CDH13: variants seen among roughly 807,000 people sequenced by gnomAD.
The protein encoded by CDH13 is cadherin-13.
CDH13 carries 24 observed loss-of-function variants against 63.8 expected under a neutral mutation model. The observed-to-expected ratio is 0.38, with a 90% CI of 0.27 to 0.53. The LOEUF is 0.53. CDH13 is among the 20% of genes least tolerant of loss of function. The pLI, the probability that CDH13 is intolerant of heterozygous loss-of-function variation, is 0.85. For missense variants in CDH13, 1,049 were observed against 903.1 expected (o/e 1.16, Z -2.07); for synonymous variants, 503 against 355.3 (o/e 1.42, Z -4.67).
At chr16:82,715,969 C>G (rs1009517113) in intron 1 of CDH13, among the ~76,000 whole-genome samples, 1 of 152,186 alleles carries the variant, frequency 6.6e-6, no homozygotes, top group Non-Finnish European at 1.5e-5. Flanking sequence ...AGCCATGTGT[C>G]ACTACTGGGT....
chr16:83,256,969 G>T (rs1470747238), intron 5 of CDH13, among the ~76,000 whole-genome samples: 5 of 151,984 alleles, frequency 3.3e-5, no homozygotes, highest in Non-Finnish European at 7.4e-5. Context: ...GGGCCTGCAT[G>T]CTGTGTGTTG....
At chr16:82,754,253 T>G (rs1597479537) in intron 1 of CDH13, among the ~76,000 whole-genome samples, 1 of 152,300 alleles carries the variant, frequency 6.6e-6, no homozygotes, top group Middle Eastern at 3.4e-3. Flanking sequence ...AACATAAATT[T>G]TAACATTCCT....
chr16:83,654,960 A>C (rs893796983), intron 8 of CDH13: 2 of 152,230 alleles, frequency 1.3e-5, no homozygotes, highest in Non-Finnish European at 2.9e-5. Context: ...ATGCCGCATC[A>C]GCCCACCTGC....
intron 3 of CDH13, among the ~76,000 whole-genome samples, chr16:83,097,043 A>C (rs1382251312): frequency 1.3e-5 from 2 of 152,202 alleles, no homozygotes; most frequent in Non-Finnish European, 2.9e-5. Context: ...ACTCAAAGCA[A>C]TACCACTCTC....
At chr16:83,589,091 A>T (rs1906462250) in intron 7 of CDH13, among the ~76,000 whole-genome samples, 1 of 152,070 alleles carries the variant, frequency 6.6e-6, no homozygotes, top group Admixed American at 6.5e-5. Context: ...GCAGGTCTGG[A>T]TTATTTGTGA....
intron 1 of CDH13, among the ~76,000 whole-genome samples, chr16:82,833,006 T>G (rs888757349): frequency 6.6e-6 from 1 of 152,192 alleles, no homozygotes; most frequent in East Asian, 1.9e-4. Flanking sequence ...GTGAGTGAGC[T>G]GCAAAAATAT....
chr16:83,718,354 A>C (rs1909225318), intron 10 of CDH13, among the ~76,000 whole-genome samples: 1 of 152,234 alleles, frequency 6.6e-6, no homozygotes, highest in Non-Finnish European at 1.5e-5. Flanking sequence ...GAAGAAATTC[A>C]AGAATGAGTC....
chr16:83,622,782 C>G (rs1378524648), intron 8 of CDH13, among the ~76,000 whole-genome samples: 1 of 152,216 alleles, frequency 6.6e-6, no homozygotes, highest in Admixed American at 6.5e-5. Context: ...GTTCACCAGT[C>G]TCTGTGAATT....
intron 5 of CDH13, among the ~76,000 whole-genome samples, chr16:83,332,633 A>G (rs2090503727): frequency 6.6e-6 from 1 of 152,176 alleles, no homozygotes; most frequent in African/African-American, 2.4e-5. Context: ...ACCCTTGTAC[A>G]TATCCTTAAT....
chr16:83,324,856 G>A lies in CDH13; in HGVS notation c.637-20006G>A, dbSNP rs368844399. 4.6e-5 allele frequency among the ~76,000 whole-genome samples: 7 copies of A among 152,046 alleles called. No homozygotes were observed. In the South Asian group the frequency reaches 6.2e-4, roughly 14 times the overall value. ...TATTTTCCAGTTTTAATGCTGTTAC[G>A]TTGCCCTTAGGAAAGAGATCAAAAT... On this transcript the variant is annotated intron_variant, in intron 5 of 13. Coordinates refer to ENST00000567109, the MANE Select transcript of CDH13 (RefSeq NM_001257.5).
At chr16:83,739,162 C>T (rs1051230185) in intron 10 of CDH13, among the ~76,000 whole-genome samples, 2 of 152,130 alleles carry the variant, frequency 1.3e-5, no homozygotes, top group Admixed American at 6.5e-5. Context: ...AAACTGCTTG[C>T]GCGAACAAAT....
At chr16:83,665,097 A>C (rs11866876) in intron 8 of CDH13, among the ~76,000 whole-genome samples, 1,940 of 152,304 alleles carry the variant, frequency 0.013, 63 homozygotes, top group African/African-American at 0.044. Flanking sequence ...GATAGGATTG[A>C]CATCATTTGC....
At chr16:83,487,472 G>C (rs749693549) in intron 7 of CDH13, among the ~76,000 whole-genome samples, 3 of 152,096 alleles carry the variant, frequency 2.0e-5, no homozygotes, top group Non-Finnish European at 4.4e-5. Flanking sequence ...CTCCCACCTC[G>C]ATTACGTTTC....
chr16:83,252,824 C>T (rs1194342357), intron 5 of CDH13, among the ~76,000 whole-genome samples: 1 of 151,968 alleles, frequency 6.6e-6, no homozygotes, highest in Non-Finnish European at 1.5e-5. Flanking sequence ...TTTCCTAGCC[C>T]CAAAAATCCA....
chr16:83,144,169 C>T (rs553615776), intron 4 of CDH13, among the ~76,000 whole-genome samples: 68 of 152,292 alleles, frequency 4.5e-4, no homozygotes, highest in African/African-American at 1.6e-3. Flanking sequence ...CTCTCCCTAC[C>T]TGGAGAGCCT....
At chr16:83,131,960 T>A (rs2036074092) in intron 4 of CDH13, among the ~76,000 whole-genome samples, 1 of 152,194 alleles carries the variant, frequency 6.6e-6, no homozygotes. Context: ...AAGTCAGACA[T>A]GACGGTAATT....
intron 3 of CDH13, among the ~76,000 whole-genome samples, chr16:83,099,153 C>G (rs1427786406): frequency 6.6e-6 from 1 of 152,016 alleles, no homozygotes. Flanking sequence ...AGATCCTATT[C>G]TAACATATTT....
intron 3 of CDH13, among the ~76,000 whole-genome samples, chr16:83,084,663 T>A (rs748740744): frequency 7.9e-5 from 12 of 151,834 alleles, no homozygotes; most frequent in Non-Finnish European, 1.8e-4. Flanking sequence ...CTGAGGTGGG[T>A]GGATCACCTG....
intron 2 of CDH13, chr16:82,858,727 G>A: frequency 3.4e-6 from 2 of 588,872 alleles, no homozygotes; most frequent in Non-Finnish European, 6.0e-6. Context: ...AGAAAAGGGG[G>A]CTGTCAGCCT....
Sources: allele counts gnomAD v4.1 joint callset (sites outside exome capture counted in the v4.1 genomes callset), GRCh38; gene constraint gnomAD v4.1.1; transcripts MANE v1.5; gene names NCBI Gene and HGNC (gene_info 2026-07-23, HGNC 2026-07-21).